Variants in GPHN observed in about 807,000 individuals in gnomAD.
The protein encoded by GPHN is gephyrin.
In GPHN, 17 loss-of-function variants were observed where a neutral mutation model predicts 95.5. The observed-to-expected ratio is 0.18, with a 90% CI of 0.12 to 0.27. The LOEUF is 0.27. Among genes scored for constraint, GPHN ranks in the 10% least tolerant of loss-of-function variants. The pLI is 1.00. For synonymous variants in GPHN, 320 were observed against 322.5 expected (o/e 0.99, Z 0.08); for missense variants, 660 against 978.1 (o/e 0.67, Z 4.34).
At chr14:66,853,503 A>G (rs1445278359) in intron 4 of GPHN, among the ~76,000 whole-genome samples, 1 of 152,214 alleles carries the variant, frequency 6.6e-6, no homozygotes, top group Non-Finnish European at 1.5e-5. Context: ...CCTCACAATG[A>G]TGGCTGAAGA....
chr14:67,424,015 A>T, the GPHN span, among the ~76,000 whole-genome samples: 1 of 152,230 alleles, frequency 6.6e-6, no homozygotes, highest in African/African-American at 2.4e-5. Context: ...AGGCAGGCAG[A>T]TCACCTGAGG....
chr14:67,645,177 C>CT, the GPHN span, among the ~76,000 whole-genome samples: 453 of 143,454 alleles, frequency 3.2e-3, 2 homozygotes, highest in Admixed American at 5.9e-3. Flanking sequence ...ACCTAGATTT[C>CT]TTTTTTTTTT....
chr14:67,498,298 C>T, the GPHN span, among the ~76,000 whole-genome samples: 3 of 152,170 alleles, frequency 2.0e-5, no homozygotes, highest in African/African-American at 4.8e-5. Flanking sequence ...TGGGCAATCA[C>T]TCTGTGGTTC....
chr14:66,665,589 G>C (rs1021623462), intron 1 of GPHN, among the ~76,000 whole-genome samples: 7 of 152,194 alleles, frequency 4.6e-5, no homozygotes, highest in Non-Finnish European at 1.0e-4. Context: ...TCATTAAAGA[G>C]TCAGGAAACA....
At chr14:67,321,281 A>C in the GPHN span, 1 of 1,612,490 alleles carries the variant, frequency 6.2e-7, no homozygotes, top group Non-Finnish European at 8.5e-7. Context: ...ACTTTGTTTT[A>C]GGGTTTGAAC....
chr14:66,625,116 C>G (rs1016686520), intron 1 of GPHN, among the ~76,000 whole-genome samples: 13 of 152,220 alleles, frequency 8.5e-5, no homozygotes, highest in African/African-American at 3.1e-4. Flanking sequence ...GGGTCTTGCC[C>G]TGTCACCAGG....
At chr14:67,642,718 T>C in the GPHN span, among the ~76,000 whole-genome samples, 1 of 151,694 alleles carries the variant, frequency 6.6e-6, no homozygotes, top group African/African-American at 2.4e-5. Flanking sequence ...ATTGATAGGC[T>C]GAATGTGCAA....
At chr14:67,392,509 A>G in the GPHN span, 1 of 1,286,460 alleles carries the variant, frequency 7.8e-7, no homozygotes, top group Non-Finnish European at 1.1e-6. Context: ...GGGAAAGGAA[A>G]TTCCTCAGGA....
At chr14:66,745,890 ATC>A (rs2058129641) in intron 2 of GPHN, among the ~76,000 whole-genome samples, 1 of 152,028 alleles carries the variant, frequency 6.6e-6, no homozygotes. Flanking sequence ...CCTATCACAG[ATC>A]TGTTTTACAT....
chr14:67,359,752 A>G, the GPHN span: 16 of 1,606,718 alleles, frequency 1.0e-5, no homozygotes, highest in Admixed American at 1.5e-4. Flanking sequence ...AGGCTGCAAT[A>G]GCTCCAGAAC....
the GPHN span, among the ~76,000 whole-genome samples, chr14:67,331,987 A>T: frequency 2.0e-5 from 3 of 152,334 alleles, no homozygotes; most frequent in African/African-American, 7.2e-5. Context: ...CATATTTTTA[A>T]TATGTTTTCT....
chr14:66,603,197 CTT>C (rs1213828884), intron 1 of GPHN, among the ~76,000 whole-genome samples: 1 of 151,778 alleles, frequency 6.6e-6, no homozygotes, highest in African/African-American at 2.4e-5. Flanking sequence ...AATCTTTTAA[CTT>C]TTAGATTACA....
chr14:67,676,381 A>G, the GPHN span, among the ~76,000 whole-genome samples: 2 of 152,188 alleles, frequency 1.3e-5, no homozygotes, highest in East Asian at 3.9e-4. Context: ...TAAGTCCCAC[A>G]GCACAATGCT....
At chr14:67,473,649 C>T in the GPHN span, 2 of 1,580,254 alleles carry the variant, frequency 1.3e-6, no homozygotes, top group Non-Finnish European at 1.7e-6. This position sits in a 1 kb window ranked among gnomAD's most constrained non-coding sequence, Gnocchi z 6.5. Context: ...CAGGATGAAG[C>T]CGGTGGTGAA....
chr14:66,708,807 A>G (rs10132505), intron 2 of GPHN, among the ~76,000 whole-genome samples: 1 of 151,930 alleles, frequency 6.6e-6, no homozygotes, highest in Non-Finnish European at 1.5e-5. Context: ...ATATGGTTGC[A>G]TGTTTTTCTT....
intron 2 of GPHN, among the ~76,000 whole-genome samples, chr14:66,763,969 G>T (rs1402173694): frequency 6.6e-6 from 1 of 152,132 alleles, no homozygotes; most frequent in African/African-American, 2.4e-5. Flanking sequence ...CTGAAGATCT[G>T]CCACTGTCTC....
At chr14:67,355,876 G>A in the GPHN span, among the ~76,000 whole-genome samples, 5,247 of 151,946 alleles carry the variant, frequency 0.035, 113 homozygotes, top group East Asian at 0.06. Flanking sequence ...AGGGCACACC[G>A]GTAATCCCAT....
chr14:66,526,076 T>C (rs1247435475), intron 1 of GPHN, among the ~76,000 whole-genome samples: 2 of 152,164 alleles, frequency 1.3e-5, no homozygotes, highest in South Asian at 2.1e-4. Context: ...TAAATTACTT[T>C]GGGCAGCATG....
chr14:66,863,408 A>C (rs2063108316), intron 4 of GPHN, among the ~76,000 whole-genome samples: 1 of 152,166 alleles, frequency 6.6e-6, no homozygotes, highest in African/African-American at 2.4e-5. Context: ...AGCAATCTAC[A>C]GATTCAATGC....
Sources: allele counts gnomAD v4.1 joint callset (sites outside exome capture counted in the v4.1 genomes callset), GRCh38; gene constraint gnomAD v4.1.1; non-coding constraint Gnocchi (gnomAD v3.1); transcripts MANE v1.5; gene names NCBI Gene and HGNC (gene_info 2026-07-23, HGNC 2026-07-21).